Variants in MYO5B observed in about 807,000 individuals in gnomAD.
MYO5B encodes unconventional myosin-Vb.
Under a neutral mutation model 229.3 loss-of-function variants are expected in MYO5B, and 143 were observed. That is an observed-to-expected ratio of 0.62 (90% CI 0.54 to 0.72). MYO5B has a LOEUF of 0.72. Ranked by LOEUF, MYO5B falls within the 30% of genes least tolerant of loss-of-function variation. The probability of loss-of-function intolerance (pLI) is 0.00; values close to 1 mark genes in which losing one functional copy is unlikely to be tolerated. For missense variants in MYO5B, 2,321 were observed against 2,331.0 expected (o/e 1.00, Z 0.09); for synonymous variants, 918 against 885.2 (o/e 1.04, Z -0.66).
chr18:49,854,305 C>T (rs113137841), intron 30 of MYO5B, among the ~76,000 whole-genome samples: 1 of 152,258 alleles, frequency 6.6e-6, no homozygotes, highest in African/African-American at 2.4e-5. Flanking sequence ...GGTGTCATGA[C>T]AAGAAGCAGA....
intron 1 of MYO5B, among the ~76,000 whole-genome samples, chr18:50,168,611 C>G (rs1468236220): frequency 7.7e-6 from 1 of 130,212 alleles, no homozygotes; most frequent in Admixed American, 8.1e-5. Context: ...GTCTCCAGGA[C>G]CCTCCCCACT....
At chr18:50,054,599 A>G (rs976285485) in intron 2 of MYO5B, among the ~76,000 whole-genome samples, 13 of 152,230 alleles carry the variant, frequency 8.5e-5, no homozygotes, top group African/African-American at 3.1e-4. Flanking sequence ...GCTCATGAGA[A>G]GGTAAACTAA....
intron 1 of MYO5B, among the ~76,000 whole-genome samples, chr18:50,106,662 A>G (rs1292219320): frequency 6.6e-6 from 1 of 152,174 alleles, no homozygotes; most frequent in African/African-American, 2.4e-5. Flanking sequence ...TTCCCCCAGG[A>G]AGTGCTTCCA....
chr18:49,862,402 T>C (rs374666848), intron 29 of MYO5B, among the ~76,000 whole-genome samples: 8 of 152,330 alleles, frequency 5.3e-5, no homozygotes, highest in African/African-American at 1.9e-4. Flanking sequence ...AGGCAGGCAC[T>C]GTCCTAAGTC....
At chr18:50,031,281 A>G (rs1050458931) in intron 4 of MYO5B, among the ~76,000 whole-genome samples, 1 of 152,104 alleles carries the variant, frequency 6.6e-6, no homozygotes, top group Admixed American at 6.5e-5. Flanking sequence ...CTAGGGAGGT[A>G]GTATCATTTT....
intron 1 of MYO5B, among the ~76,000 whole-genome samples, chr18:50,140,698 AG>A (rs1236229545): frequency 1.3e-4 from 20 of 152,214 alleles, no homozygotes; most frequent in Admixed American, 1.2e-3. Context: ...TTGAAGTAGA[AG>A]GGGGTGCAAA....
intron 8 of MYO5B, among the ~76,000 whole-genome samples, chr18:49,984,026 C>A (rs1263913315): frequency 6.6e-6 from 1 of 152,206 alleles, no homozygotes; most frequent in African/African-American, 2.4e-5. Context: ...GGGTTTCAGG[C>A]TGACTTCTCG....
At chr18:49,853,381 A>G (rs750111234) in intron 31 of MYO5B, 68 bp downstream of exon 31, 2 of 1,564,370 alleles carry the variant, frequency 1.3e-6, no homozygotes, top group Non-Finnish European at 1.8e-6. Context: ...GCCAAAGGCA[A>G]CCCCGATCCC....
intron 17 of MYO5B, among the ~76,000 whole-genome samples, chr18:49,922,186 C>T (rs2025082386): frequency 6.6e-6 from 1 of 152,234 alleles, no homozygotes; most frequent in African/African-American, 2.4e-5. Flanking sequence ...TTGTATATTT[C>T]CTTCAGTAGC....
intron 4 of MYO5B, among the ~76,000 whole-genome samples, chr18:50,005,868 C>T (rs1313616616): frequency 1.3e-5 from 2 of 152,166 alleles, no homozygotes; most frequent in African/African-American, 4.8e-5. Context: ...TGTCCATGTC[C>T]AATGCCTGGA....
chr18:50,097,115 T>A, intron 1 of MYO5B: 1 of 418,688 alleles, frequency 2.4e-6, no homozygotes, highest in Non-Finnish European at 4.9e-6. Context: ...TCCCTTGTCC[T>A]TCCTCCCCTA....
chr18:49,878,870 C>T, intron 24 of MYO5B, 75 bp downstream of exon 24: 1 of 1,544,758 alleles, frequency 6.5e-7, no homozygotes, highest in Non-Finnish European at 8.9e-7. Context: ...GAAAGCAGTG[C>T]CTGAGATCAC....
intron 10 of MYO5B, 120 bp from the exon 11 acceptor site, chr18:49,963,150 C>T (rs2025580494): frequency 1.3e-6 from 1 of 797,140 alleles, no homozygotes; most frequent in African/African-American, 1.7e-5. Context: ...CCCATTGTCT[C>T]ATCTTGTGTT....
In MYO5B at chr18:49,895,078, G is replaced by A. The variant is rs2024762726; in HGVS notation, c.2908C>T (p.Gln970Ter). 6.2e-7 allele frequency: 1 copy of A among 1,614,160 alleles called. No individual in the cohort carries two copies. The highest frequency in any genetic ancestry group is 8.5e-7 in the Non-Finnish European group (1 of 1,180,034). Residue 970 changes from glutamine to a stop codon, truncating the protein, a stop_gained, in exon 22 of 40, where the codon CAG (glutamine) becomes TAG (stop). Transcript: ENST00000285039. LOFTEE classifies it high-confidence loss of function. ...CTGGTGTCCTCACCTGGGCTCTGCT[G>A]GTAGTGCACCAGCTCCTTCTTCAGC... is the stretch of plus-strand genomic sequence containing the variant. Reference protein sequence around the residue: ...ERLKKELVHYQQSPGEDTSLR... With the variant: ...ERLKKELVHY
chr18:49,997,932 G>A (rs1345049426), intron 5 of MYO5B, among the ~76,000 whole-genome samples: 1 of 152,164 alleles, frequency 6.6e-6, no homozygotes, highest in Non-Finnish European at 1.5e-5. Flanking sequence ...CAATCAATCA[G>A]TAATCAGCTG....
intron 21 of MYO5B, 36 bp downstream of exon 21, chr18:49,902,557 GC>G: frequency 3.1e-6 from 5 of 1,605,140 alleles, no homozygotes; most frequent in South Asian, 1.1e-5. Context: ...CAGTACCCAA[GC>G]CCCCGACACC....
chr18:50,048,821 G>A (rs773196538), intron 2 of MYO5B, among the ~76,000 whole-genome samples: 3 of 152,058 alleles, frequency 2.0e-5, no homozygotes, highest in East Asian at 1.9e-4. Context: ...TCAGGAGTTC[G>A]AGATCAGCCT....
At chr18:49,976,004 G>A (rs1365699378) in intron 9 of MYO5B, among the ~76,000 whole-genome samples, 1 of 152,140 alleles carries the variant, frequency 6.6e-6, no homozygotes, top group Non-Finnish European at 1.5e-5. Flanking sequence ...CAGCCCACTT[G>A]GGGCACTCTG....
chr18:50,186,859 C>T (rs1186958126), intron 1 of MYO5B, among the ~76,000 whole-genome samples: 1 of 152,108 alleles, frequency 6.6e-6, no homozygotes, highest in Non-Finnish European at 1.5e-5. Context: ...AGGGTGTCCA[C>T]CTCAAGATCA....
Sources: gnomAD v4.1 joint callset for allele counts (sites outside exome capture counted in the v4.1 genomes callset) on GRCh38, gnomAD v4.1.1 for gene constraint, MANE v1.5 for transcripts, NCBI Gene and HGNC (gene_info 2026-07-23, HGNC 2026-07-21) for gene names.